TEX36: variants seen among roughly 807,000 people sequenced by gnomAD.
TEX36 encodes the protein testis expressed 36.
TEX36 carries 12 observed loss-of-function variants against 13.6 expected under a neutral mutation model. That is an observed-to-expected ratio of 0.88 (90% confidence interval 0.56 to 1.43). TEX36 has a LOEUF of 1.43. TEX36 is among the 40% of genes most tolerant of loss of function. The probability of loss-of-function intolerance (pLI) is 0.00; values close to 1 mark genes in which losing one functional copy is unlikely to be tolerated. For missense variants in TEX36, 224 were observed against 228.3 expected, an observed-to-expected ratio of 0.98 and a Z score of 0.12; for synonymous variants, 93 against 83.0, an observed-to-expected ratio of 1.12 and a Z score of -0.65.
chr10:125,643,899 G>T (rs1047924794), intron 3 of TEX36, among the ~76,000 whole-genome samples: 4 of 152,090 alleles, frequency 2.6e-5, no homozygotes, highest in African/African-American at 9.7e-5. Flanking sequence ...GTGACAGAGC[G>T]AGACTTCACC....
At chr10:125,582,798 G>A (rs1845899152) in intron 3 of TEX36, among the ~76,000 whole-genome samples, 1 of 152,108 alleles carries the variant, frequency 6.6e-6, no homozygotes, top group South Asian at 2.1e-4. Context: ...AAAGCAATTT[G>A]CATAAAGACC....
chr10:125,608,242 G>A (rs1846239018), intron 3 of TEX36, among the ~76,000 whole-genome samples: 1 of 150,052 alleles, frequency 6.7e-6, no homozygotes, highest in Admixed American at 6.6e-5. Flanking sequence ...TCTTAGAGGG[G>A]AGTTTGTGGG....
chr10:125,646,564 A>C (rs1846771468), intron 3 of TEX36, among the ~76,000 whole-genome samples: 1 of 152,200 alleles, frequency 6.6e-6, no homozygotes, highest in Non-Finnish European at 1.5e-5. Flanking sequence ...ATTAGTAAAC[A>C]TGAAAGCATA....
chr10:125,592,144 C>T (rs1398692694), intron 3 of TEX36, among the ~76,000 whole-genome samples: 2 of 152,168 alleles, frequency 1.3e-5, no homozygotes, highest in African/African-American at 4.8e-5. Context: ...TTTTCTGGCT[C>T]CTGGAGAAAT....
At position 125,642,282 on chromosome 10, in the gene TEX36, C is replaced by T. The variant is rs548058682; in HGVS notation, c.264+18739G>A. 6.1e-4 allele frequency among the ~76,000 whole-genome samples: 93 copies of T among 152,276 alleles called. 1 individual carries two copies. Among genetic ancestry groups the T allele is most frequent in the Admixed American group, 5.9e-3 (90 of 15,300 alleles). Reference sequence around the variant, plus strand: ...GAACTTAGCACAGGCAGAGATAAAGCCATGTAACCCGTGTGTCAGATATGA... The same window carrying T: ...GAACTTAGCACAGGCAGAGATAAAGTCATGTAACCCGTGTGTCAGATATGA... On this transcript the variant is annotated intron_variant, in intron 3 of 3. Coordinates refer to the TEX36 transcript ENST00000526819.
At chr10:125,675,642 C>G (rs995264104) in intron 1 of TEX36, among the ~76,000 whole-genome samples, 1 of 152,128 alleles carries the variant, frequency 6.6e-6, no homozygotes, top group Non-Finnish European at 1.5e-5. Flanking sequence ...GGGGTGGGAA[C>G]TCAACCCCAT....
chr10:125,643,745 CAA>C (rs771307242), intron 3 of TEX36, among the ~76,000 whole-genome samples: 12 of 126,922 alleles, frequency 9.5e-5, no homozygotes, highest in Non-Finnish European at 5.1e-5. Context: ...GACTCTGTCT[CAA>C]AAAAAAAAAA....
intron 3 of TEX36, among the ~76,000 whole-genome samples, chr10:125,591,238 C>A (rs1220773539): frequency 1.3e-5 from 2 of 152,236 alleles, no homozygotes; most frequent in Non-Finnish European, 2.9e-5. Context: ...ATCTGGGAAG[C>A]ATTCAATGAG....
At chr10:125,613,502 T>C (rs1221954904) in intron 3 of TEX36, among the ~76,000 whole-genome samples, 2 of 139,160 alleles carry the variant, frequency 1.4e-5, no homozygotes, top group Admixed American at 7.7e-5. Context: ...CATTGTTCAA[T>C]TCTCACCTAT....
intron 3 of TEX36, among the ~76,000 whole-genome samples, chr10:125,586,789 TA>T (rs955834932): frequency 8.1e-5 from 12 of 148,444 alleles, no homozygotes; most frequent in Non-Finnish European, 9.0e-5. Context: ...AGACCCTGTC[TA>T]AAAAAAAAGA....
At chr10:125,666,988 C>T (rs1337251221) in intron 1 of TEX36, 3 of 1,367,276 alleles carry the variant, frequency 2.2e-6, no homozygotes, top group Non-Finnish European at 3.0e-6. Flanking sequence ...CACTTGACTC[C>T]TCCTGGGCAG....
intron 3 of TEX36, among the ~76,000 whole-genome samples, chr10:125,637,957 C>T (rs961034798): frequency 6.6e-6 from 1 of 152,042 alleles, no homozygotes; most frequent in African/African-American, 2.4e-5. Context: ...CCTCCAACTT[C>T]CCCTTGGTGA....
At chr10:125,650,787 A>C (rs577152233), downstream of TEX36, among the ~76,000 whole-genome samples, 1 of 152,250 alleles carries the variant, frequency 6.6e-6, no homozygotes, top group African/African-American at 2.4e-5. Flanking sequence ...AGAATCAAAT[A>C]GATACAATAA....
chr10:125,601,862 A>G (rs1846151993), intron 3 of TEX36, among the ~76,000 whole-genome samples: 1 of 152,170 alleles, frequency 6.6e-6, no homozygotes, highest in South Asian at 2.1e-4. Flanking sequence ...ACACTTGGCA[A>G]GCCTCCACAC....
intron 3 of TEX36, among the ~76,000 whole-genome samples, chr10:125,646,865 G>A (rs955960652): frequency 6.6e-6 from 1 of 152,122 alleles, no homozygotes; most frequent in African/African-American, 2.4e-5. Context: ...CCCGAAAACA[G>A]CCCCAGGTCC....
downstream of TEX36, chr10:125,655,590 G>T: frequency 1.2e-6 from 1 of 812,242 alleles, no homozygotes. Flanking sequence ...GATTGGAGAT[G>T]TGGTGAAATC....
chr10:125,636,336 G>C (rs868791024), intron 3 of TEX36, among the ~76,000 whole-genome samples: 5 of 151,168 alleles, frequency 3.3e-5, no homozygotes, highest in Admixed American at 3.3e-4. Context: ...CTCCCGAGTA[G>C]CTGGGACTAC....
intron 1 of TEX36, among the ~76,000 whole-genome samples, chr10:125,666,466 T>G (rs1215819901): frequency 6.6e-6 from 1 of 152,208 alleles, no homozygotes; most frequent in Non-Finnish European, 1.5e-5. Flanking sequence ...CATATGGTTT[T>G]TGTCCTTCAT....
At chr10:125,620,081 TA>T (rs1846411303), downstream of TEX36, among the ~76,000 whole-genome samples, 1 of 152,174 alleles carries the variant, frequency 6.6e-6, no homozygotes, top group African/African-American at 2.4e-5. Flanking sequence ...AGTAACTCTG[TA>T]ACATGCATCT....
Sources: gnomAD v4.1 joint callset for allele counts (sites outside exome capture counted in the v4.1 genomes callset) on GRCh38, gnomAD v4.1.1 for gene constraint, MANE v1.5 for transcripts, NCBI Gene and HGNC (gene_info 2026-07-23, HGNC 2026-07-21) for gene names.